Variants in FAM227A observed in about 807,000 individuals in gnomAD.
FAM227A encodes the protein family with sequence similarity 227 member A.
A neutral mutation model predicts 74.7 loss-of-function variants in FAM227A; 80 were observed. That is an observed-to-expected ratio of 1.07 (90% CI 0.89 to 1.29). The LOEUF is 1.29. Ranked by LOEUF, FAM227A falls within the 50% of genes most tolerant of loss-of-function variation. FAM227A has a pLI of 0.00. For missense variants in FAM227A, 654 were observed against 683.4 expected (o/e 0.96, Z 0.48); for synonymous variants, 237 against 241.8 (o/e 0.98, Z 0.19).
At chr22:38,591,145 T>C (rs2090924615) in intron 16 of FAM227A, among the ~76,000 whole-genome samples, 1 of 151,970 alleles carries the variant, frequency 6.6e-6, no homozygotes, top group Admixed American at 6.6e-5. Flanking sequence ...GGCAACATAG[T>C]GATACCCCCA....
chr22:38,586,289 G>A, intron 16 of FAM227A, 90 bp from the exon 17 acceptor site: 1 of 1,390,962 alleles, frequency 7.2e-7, no homozygotes, highest in African/African-American at 1.4e-5. Context: ...GGCGTGGCCA[G>A]TGGTGATCCT....
intron 11 of FAM227A, among the ~76,000 whole-genome samples, chr22:38,610,553 AAAGAT>A (rs573029311): frequency 1.1e-4 from 17 of 152,168 alleles, no homozygotes; most frequent in Non-Finnish European, 2.1e-4. Context: ...TTTGTCAAAT[AAAGAT>A]AAGAAGTAAT....
At chr22:38,628,367 G>T in intron 7 of FAM227A, 25 bp from the exon 8 acceptor site, 2 of 1,460,620 alleles carry the variant, frequency 1.4e-6, no homozygotes, top group Non-Finnish European at 1.9e-6. Context: ...AATGAAAAAG[G>T]AATTACTAAA....
intron 10 of FAM227A, 33 bp from the exon 11 acceptor site, chr22:38,620,324 C>G (rs2091661242): frequency 6.8e-7 from 1 of 1,478,098 alleles, no homozygotes; most frequent in Non-Finnish European, 9.3e-7. Context: ...ATTAATTCCT[C>G]TTGTCATGGG....
At position 38,579,164 on chromosome 22, in the gene FAM227A, G is replaced by A. The variant is rs1259718057; in HGVS notation, c.*6961C>T. 6.6e-6 allele frequency: 1 copy of A among 152,196 alleles called. No individual in the cohort carries two copies. Among genetic ancestry groups the A allele is most frequent in the African/African-American group, 2.4e-5 (1 of 41,454 alleles). The allele number at this position is 152,196 out of a possible 1,614,324, so 9.4% of individuals were successfully genotyped here. ...TTTCCTGTCATAAGTACACATAGGA[G>A]CAGCAACTAAGCCAGACATAGAGCA... is the stretch of plus-strand genomic sequence containing the variant. On this transcript the variant is annotated 3_prime_UTR_variant, in exon 17 of 17. Transcript: ENST00000535113.
chr22:38,615,721 TGAA>T (rs1423572493), intron 11 of FAM227A, among the ~76,000 whole-genome samples: 1 of 152,128 alleles, frequency 6.6e-6, no homozygotes, highest in Non-Finnish European at 1.5e-5. Flanking sequence ...CCAAATGCAA[TGAA>T]GAAGTTATTG....
intron 16 of FAM227A, among the ~76,000 whole-genome samples, chr22:38,588,805 G>A (rs1229627200): frequency 2.0e-5 from 3 of 149,998 alleles, no homozygotes; most frequent in African/African-American, 7.4e-5. Context: ...GCAGGTGCCT[G>A]TAGTCCCAGC....
chr22:38,644,893 G>A (rs1180273429), intron 3 of FAM227A, among the ~76,000 whole-genome samples: 1 of 151,684 alleles, frequency 6.6e-6, no homozygotes, highest in African/African-American at 2.4e-5. Flanking sequence ...TTTGAGACCA[G>A]CCTGACCAAC....
intron 6 of FAM227A, among the ~76,000 whole-genome samples, chr22:38,630,635 A>G (rs1341520214): frequency 1.3e-5 from 2 of 152,134 alleles, no homozygotes. Context: ...TTGTTTATTC[A>G]TTCACACTCC....
chr22:38,648,383 G>A (rs376921767), intron 2 of FAM227A, among the ~76,000 whole-genome samples: 44 of 151,320 alleles, frequency 2.9e-4, no homozygotes, highest in African/African-American at 9.9e-4. Context: ...TGAGGCAGGC[G>A]GATCACCTGA....
intron 11 of FAM227A, among the ~76,000 whole-genome samples, chr22:38,612,034 C>A (rs374995109): frequency 2.0e-5 from 3 of 152,106 alleles, no homozygotes; most frequent in African/African-American, 7.2e-5. Flanking sequence ...ACTCCCAAAG[C>A]CAACCCACTA....
chr22:38,639,277 C>T (rs193183003), intron 4 of FAM227A, among the ~76,000 whole-genome samples: 3 of 152,072 alleles, frequency 2.0e-5, no homozygotes, highest in East Asian at 1.9e-4. Context: ...GGCACGGTGG[C>T]GAGCCCCTGT....
At position 38,582,948 on chromosome 22, in the gene FAM227A, G is replaced by A; in HGVS notation, c.*3177C>T. 6.4e-7 allele frequency: 1 copy of A among 1,550,404 alleles called. No individual in the cohort carries two copies. The highest frequency in any genetic ancestry group is 8.7e-7 in the Non-Finnish European group (1 of 1,146,964). On this transcript the variant is annotated 3_prime_UTR_variant, in exon 17 of 17. Transcript: ENST00000535113. ...GGAAGAGCAGGAATTAGTGATGTTG[G>A]CAGTTAACAAAGAGGAGGGAGGAGA...
chr22:38,632,100 C>T (rs2091925320), intron 6 of FAM227A, among the ~76,000 whole-genome samples: 2 of 152,044 alleles, frequency 1.3e-5, no homozygotes, highest in African/African-American at 4.8e-5. Context: ...GGAGGAAAAG[C>T]AGAACGGATG....
chr22:38,620,611 G>A (rs2091668016), intron 10 of FAM227A, among the ~76,000 whole-genome samples: 2 of 151,874 alleles, frequency 1.3e-5, no homozygotes, highest in Non-Finnish European at 2.9e-5. Context: ...AGACCATCCT[G>A]GCTAACACGG....
intron 13 of FAM227A, among the ~76,000 whole-genome samples, chr22:38,601,208 A>G (rs1442972386): frequency 6.6e-6 from 1 of 152,140 alleles, no homozygotes; most frequent in Admixed American, 6.5e-5. Context: ...TACTAATAAG[A>G]TCAATCAGGC....
At chr22:38,591,222 G>T in intron 16 of FAM227A, 1 of 888,282 alleles carries the variant, frequency 1.1e-6, no homozygotes, top group Non-Finnish European at 1.5e-6. Flanking sequence ...TACTCAGGAG[G>T]CTGAAGTGGG....
chr22:38,581,701 A>G lies in FAM227A; in HGVS notation c.*4424T>C, dbSNP rs1425076250. 2 of 150,606 alleles carry G rather than the reference A, an allele frequency of 1.3e-5. No homozygotes were observed. Among genetic ancestry groups the G allele is most frequent in the Non-Finnish European group, 2.9e-5 (2 of 67,934 alleles). The allele number at this position is 150,606 out of a possible 1,614,324, so 9.3% of individuals were successfully genotyped here. On this transcript the variant is annotated 3_prime_UTR_variant, in exon 17 of 17. Transcript: ENST00000535113. Reference sequence around the variant, plus strand: ...CAATCCACCCGCCTCGGCCTCCCAAAGTGCTGAGATTACAGGCGTTAGCCA... The same window carrying G: ...CAATCCACCCGCCTCGGCCTCCCAAGGTGCTGAGATTACAGGCGTTAGCCA...
Position 38,582,518 on chromosome 22 carries a change from G to A in FAM227A, c.*3607C>T, listed in dbSNP as rs370400408. On this transcript the variant is annotated 3_prime_UTR_variant, in exon 17 of 17. Transcript: ENST00000535113. ...TGCTCTACCCCGCTTCCCTTATAAA[G>A]GGCAAATAATTCTTCCCCATAATTT... is the stretch of plus-strand genomic sequence containing the variant. 4.2e-4 allele frequency: 505 copies of A among 1,189,314 alleles called. 6 individuals are homozygous for A. The African/African-American group carries it at 6.2e-3, about 14-fold the overall frequency. 73.7% of individuals were successfully genotyped at this position (1,189,314 alleles called of 1,614,324 possible).
Sources: allele counts gnomAD v4.1 joint callset (sites outside exome capture counted in the v4.1 genomes callset), GRCh38; gene constraint gnomAD v4.1.1; transcripts MANE v1.5; gene names NCBI Gene and HGNC (gene_info 2026-07-23, HGNC 2026-07-21).